Variants in CACNA2D3 observed in about 807,000 individuals in gnomAD.
CACNA2D3 encodes voltage-dependent calcium channel subunit alpha-2/delta-3.
In CACNA2D3, 60 loss-of-function variants were observed where a neutral mutation model predicts 160.6. The ratio of observed to expected loss-of-function variants is 0.37; its 90% CI spans 0.30 to 0.46. The LOEUF is 0.46. CACNA2D3 is among the 20% of genes least tolerant of loss of function. The pLI is 1.00. For missense variants in CACNA2D3, 1,205 were observed against 1,365.0 expected (o/e 0.88, Z 1.85); for synonymous variants, 558 against 492.9 (o/e 1.13, Z -1.75).
chr3:55,038,525 C>T (rs987800156), intron 35 of CACNA2D3, among the ~76,000 whole-genome samples: 4 of 152,020 alleles, frequency 2.6e-5, no homozygotes, highest in African/African-American at 9.7e-5. Context: ...CATATAAAAA[C>T]GTGAAATGTG....
intron 5 of CACNA2D3, among the ~76,000 whole-genome samples, chr3:54,531,165 A>G (rs993004637): frequency 6.6e-6 from 1 of 152,236 alleles, no homozygotes. Context: ...AACAGCTGAC[A>G]TGCTCTAGCA....
At chr3:54,565,982 G>C (rs993931197) in intron 6 of CACNA2D3, among the ~76,000 whole-genome samples, 1 of 152,080 alleles carries the variant, frequency 6.6e-6, no homozygotes, top group Admixed American at 6.5e-5. Flanking sequence ...ACACATAGTG[G>C]GTGCTCAATA....
At chr3:54,252,039 A>G (rs1317125991) in intron 2 of CACNA2D3, among the ~76,000 whole-genome samples, 1 of 149,782 alleles carries the variant, frequency 6.7e-6, no homozygotes, top group East Asian at 1.9e-4. Context: ...TTGAGCTCCC[A>G]AGATACACTG....
chr3:55,026,991 G>GCACACACA (rs57849063), intron 35 of CACNA2D3, among the ~76,000 whole-genome samples: 24 of 151,032 alleles, frequency 1.6e-4, no homozygotes, highest in African/African-American at 5.8e-4. Flanking sequence ...GCGCATGCAC[G>GCACACACA]CACACACACA....
intron 13 of CACNA2D3, among the ~76,000 whole-genome samples, chr3:54,771,094 G>C (rs1702312296): frequency 6.6e-6 from 1 of 152,118 alleles, no homozygotes; most frequent in Non-Finnish European, 1.5e-5. Flanking sequence ...GTTAGTGTCT[G>C]CTTTTTCTCT....
At chr3:54,768,487 G>A (rs1008165090) in intron 13 of CACNA2D3, among the ~76,000 whole-genome samples, 2 of 152,156 alleles carry the variant, frequency 1.3e-5, no homozygotes, top group African/African-American at 4.8e-5. Flanking sequence ...ACAGATATAG[G>A]AAGTTAGAGG....
intron 27 of CACNA2D3, among the ~76,000 whole-genome samples, chr3:54,904,989 G>C (rs112367994): frequency 2.6e-5 from 4 of 152,136 alleles, no homozygotes; most frequent in African/African-American, 7.2e-5. Flanking sequence ...TCTGAGGTCC[G>C]GGCATCTAAG....
At chr3:54,869,715 C>T (rs1699481473) in intron 17 of CACNA2D3, among the ~76,000 whole-genome samples, 1 of 152,136 alleles carries the variant, frequency 6.6e-6, no homozygotes, top group Non-Finnish European at 1.5e-5. Flanking sequence ...ACTACTATCC[C>T]TGCCCCGCAC....
At chr3:54,656,229 ATTGGTT>A (rs1699872857) in intron 11 of CACNA2D3, among the ~76,000 whole-genome samples, 1 of 152,194 alleles carries the variant, frequency 6.6e-6, no homozygotes, top group Non-Finnish European at 1.5e-5. Flanking sequence ...TGGCCTGATG[ATTGGTT>A]TTCAAAGCAC....
intron 2 of CACNA2D3, among the ~76,000 whole-genome samples, chr3:54,288,358 C>T (rs549553579): frequency 2.6e-5 from 4 of 152,238 alleles, no homozygotes; most frequent in African/African-American, 7.2e-5. Flanking sequence ...ATACACCCTC[C>T]CAAGACTAAA....
chr3:54,484,212 A>T (rs1700978636), intron 4 of CACNA2D3, among the ~76,000 whole-genome samples: 1 of 151,996 alleles, frequency 6.6e-6, no homozygotes, highest in South Asian at 2.1e-4. Flanking sequence ...ACTACATAAC[A>T]TTTTTTTTCA....
At chr3:54,862,727 G>C (rs776652569) in intron 17 of CACNA2D3, among the ~76,000 whole-genome samples, 2 of 152,094 alleles carry the variant, frequency 1.3e-5, no homozygotes, top group Non-Finnish European at 2.9e-5. Context: ...CAATGGGCCC[G>C]AACTACTTAC....
intron 12 of CACNA2D3, among the ~76,000 whole-genome samples, chr3:54,758,669 G>C (rs1702023207): frequency 6.6e-6 from 1 of 152,176 alleles, no homozygotes; most frequent in Non-Finnish European, 1.5e-5. Flanking sequence ...TGCTCATAGG[G>C]AATGCAAACC....
chr3:54,965,406 G>A (rs751792793), intron 27 of CACNA2D3, among the ~76,000 whole-genome samples: 10 of 152,028 alleles, frequency 6.6e-5, no homozygotes, highest in Non-Finnish European at 1.2e-4. Context: ...CATTTGGATT[G>A]CCATCTTCCC....
chr3:54,954,779 T>C (rs949434041), intron 27 of CACNA2D3, among the ~76,000 whole-genome samples: 5 of 152,180 alleles, frequency 3.3e-5, no homozygotes, highest in African/African-American at 9.7e-5. Context: ...CCCTGAGGCC[T>C]TAAGCATGGA....
At chr3:54,498,875 T>G (rs1312474629) in intron 4 of CACNA2D3, among the ~76,000 whole-genome samples, 1 of 152,228 alleles carries the variant, frequency 6.6e-6, no homozygotes, top group South Asian at 2.1e-4. Context: ...TCCAAATCTT[T>G]AGTCTATTTG....
chr3:54,209,715 A>G (rs1054813802), intron 2 of CACNA2D3, among the ~76,000 whole-genome samples: 6 of 152,236 alleles, frequency 3.9e-5, no homozygotes, highest in Non-Finnish European at 7.3e-5. Flanking sequence ...CCCTTGGATT[A>G]TATTAATGGA....
At chr3:54,269,348 A>G (rs1164107590) in intron 2 of CACNA2D3, among the ~76,000 whole-genome samples, 1 of 151,558 alleles carries the variant, frequency 6.6e-6, no homozygotes, top group Non-Finnish European at 1.5e-5. Flanking sequence ...GCCTTTTCCT[A>G]ATTTCTTTTG....
chr3:54,829,324 T>C (rs1703817455), intron 14 of CACNA2D3, among the ~76,000 whole-genome samples: 1 of 152,152 alleles, frequency 6.6e-6, no homozygotes, highest in South Asian at 2.1e-4. Flanking sequence ...TTCCCTGACA[T>C]GTCTGCCCAG....
Sources: allele counts gnomAD v4.1 joint callset (sites outside exome capture counted in the v4.1 genomes callset), GRCh38; gene constraint gnomAD v4.1.1; transcripts MANE v1.5; gene names NCBI Gene and HGNC (gene_info 2026-07-23, HGNC 2026-07-21).